Variants in SEC23A observed in about 807,000 individuals in gnomAD.
SEC23A encodes the protein SEC23 homolog A, COPII component.
Under a neutral mutation model 103.7 loss-of-function variants are expected in SEC23A, and 56 were observed. The ratio of observed to expected loss-of-function variants is 0.54; its 90% CI spans 0.44 to 0.67. The LOEUF (loss-of-function observed/expected upper bound fraction) is 0.67. SEC23A is among the 30% of genes least tolerant of loss of function. The pLI, the probability that SEC23A is intolerant of heterozygous loss-of-function variation, is 0.00. For synonymous variants in SEC23A, 281 were observed against 293.0 expected (o/e 0.96, Z 0.42); for missense variants, 784 against 936.4 (o/e 0.84, Z 2.12).
At chr14:39,038,936 T>C (rs1885543507) in intron 19 of SEC23A, 95 bp downstream of exon 19, 4 of 1,075,018 alleles carry the variant, frequency 3.7e-6, no homozygotes, top group Non-Finnish European at 5.7e-6. Flanking sequence ...CAGAAACCAT[T>C]ACTAAATACA....
chr14:39,102,715 G>A (rs1888154592), intron 1 of SEC23A, among the ~76,000 whole-genome samples: 1 of 152,154 alleles, frequency 6.6e-6, no homozygotes, highest in Admixed American at 6.5e-5. Context: ...AGGGCCCAGA[G>A]GCGATGATGG....
chr14:39,066,478 C>CTT (rs56126062), intron 10 of SEC23A, among the ~76,000 whole-genome samples: 8 of 144,092 alleles, frequency 5.6e-5, no homozygotes, highest in Non-Finnish European at 9.0e-5. Flanking sequence ...ACAGTTTCCT[C>CTT]TTTTTTTTTT....
At chr14:39,056,049 T>TA (rs1355114046) in intron 13 of SEC23A, among the ~76,000 whole-genome samples, 5 of 152,366 alleles carry the variant, frequency 3.3e-5, no homozygotes, top group African/African-American at 1.2e-4. Flanking sequence ...GAGTCACACA[T>TA]AAGCCTGAGT....
intron 16 of SEC23A, among the ~76,000 whole-genome samples, chr14:39,043,854 T>A (rs1885736634): frequency 6.6e-6 from 1 of 152,202 alleles, no homozygotes; most frequent in South Asian, 2.1e-4. Flanking sequence ...GTGGTCTTTA[T>A]AAGAGCCATT....
intron 14 of SEC23A, among the ~76,000 whole-genome samples, chr14:39,049,003 T>C (rs1417056599): frequency 6.6e-6 from 1 of 151,856 alleles, no homozygotes; most frequent in African/African-American, 2.4e-5. Flanking sequence ...TCACAACAAA[T>C]AAAGAGCTCT....
At chr14:39,054,255 A>G (rs1886166858) in intron 14 of SEC23A, among the ~76,000 whole-genome samples, 1 of 151,884 alleles carries the variant, frequency 6.6e-6, no homozygotes, top group Admixed American at 6.6e-5. Flanking sequence ...AGCCTGGGTG[A>G]CAGAGTGAGA....
At chr14:39,082,485 T>G (rs1887262022) in intron 7 of SEC23A, among the ~76,000 whole-genome samples, 1 of 152,124 alleles carries the variant, frequency 6.6e-6, no homozygotes, top group African/African-American at 2.4e-5. Context: ...CCTAATAAGA[T>G]ATTTATAATT....
rs5808022 is a variant in SEC23A, at chr14:39,093,251, T to TA, written c.222-8dup. 0.014 allele frequency: 21,538 copies of TA among 1,590,912 alleles called. 1,864 individuals carry two copies. In the African/African-American group the frequency reaches 0.23, roughly 17 times the overall value. Reference sequence around the variant, plus strand: ...TGCTCGATAATCCACTTGACTGTTTTAAAAAAAAAGAAAAGACATATCAGT... The same window carrying TA: ...TGCTCGATAATCCACTTGACTGTTTTAAAAAAAAAAGAAAAGACATATCAGT... On this transcript the variant is annotated splice_polypyrimidine_tract_variant and splice_region_variant and intron_variant, in intron 2 of 19. Coordinates refer to ENST00000307712, the MANE Select transcript of SEC23A (RefSeq NM_006364.4).
At chr14:39,073,603 C>CTTTTTTTTT (rs905464578) in intron 9 of SEC23A, among the ~76,000 whole-genome samples, 1 of 83,894 alleles carries the variant, frequency 1.2e-5, no homozygotes, top group Non-Finnish European at 2.3e-5. Flanking sequence ...TCTGATTCCT[C>CTTTTTTTTT]TTTTTTTTTT....
chr14:39,064,717 G>A (rs944951837), intron 11 of SEC23A, 196 bp downstream of exon 11: 10 of 589,766 alleles, frequency 1.7e-5, no homozygotes, highest in African/African-American at 1.3e-4. Flanking sequence ...GTGCTGTCCT[G>A]TGCGTTCGCT....
chr14:39,097,352 A>G (rs1308913822), intron 1 of SEC23A, among the ~76,000 whole-genome samples: 1 of 152,222 alleles, frequency 6.6e-6, no homozygotes, highest in African/African-American at 2.4e-5. Context: ...AGTGTTATGC[A>G]GCAGACAGGA....
At chr14:39,086,456 T>C (rs1887448499) in intron 6 of SEC23A, among the ~76,000 whole-genome samples, 1 of 151,998 alleles carries the variant, frequency 6.6e-6, no homozygotes, top group Non-Finnish European at 1.5e-5. Flanking sequence ...ACCCCGTCTC[T>C]ACAAAAAATA....
intron 1 of SEC23A, among the ~76,000 whole-genome samples, chr14:39,100,871 T>G (rs1215907916): frequency 6.6e-6 from 1 of 151,552 alleles, no homozygotes; most frequent in Non-Finnish European, 1.5e-5. Context: ...TGAGATGGAG[T>G]CTCACTCTAT....
chr14:39,083,299 T>C lies in SEC23A; in HGVS notation c.828+2463A>G, dbSNP rs187574695. On this transcript the variant is annotated intron_variant, in intron 7 of 19. Coordinates refer to ENST00000307712, the MANE Select transcript of SEC23A (RefSeq NM_006364.4). Reference sequence around the variant, plus strand: ...GATAAACGCATATCTGATTGCTCCTTCGGAAAGGCTAATCAGAAACTCAAA... The same window carrying C: ...GATAAACGCATATCTGATTGCTCCTCCGGAAAGGCTAATCAGAAACTCAAA... Among the ~76,000 whole-genome samples the C allele has an allele frequency of 1.2e-4, 18 of 152,238 alleles. No individual in the cohort carries two copies. The East Asian group carries it at 3.3e-3, about 28-fold the overall frequency.
At chr14:39,073,603 CTTTTTTTTTTTT>C (rs905464578) in intron 9 of SEC23A, among the ~76,000 whole-genome samples, 9 of 83,912 alleles carry the variant, frequency 1.1e-4, no homozygotes, top group South Asian at 9.2e-4. Flanking sequence ...TCTGATTCCT[CTTTTTTTTTTTT>C]TTTTTTTTTT....
chr14:39,063,326 G>T lies in SEC23A; in HGVS notation c.1396C>A (p.Gln466Lys). 6.3e-7 allele frequency: 1 copy of T among 1,589,712 alleles called. No homozygotes were observed. The highest frequency in any genetic ancestry group is 2.2e-5 in the East Asian group (1 of 44,710). ...TLAIYFEVVNQHNAPIPQGGR... is the reference protein window; with the variant it reads ...TLAIYFEVVNKHNAPIPQGGR... ...TATTCAGATGTAGAAAGTCATACCT[G>T]ATTGACAACCTCAAAATATATGGCT... The change falls in exon 12 of 20, where the codon CAG becomes AAG. Residue 466 changes from glutamine to lysine, a missense_variant and splice_region_variant. Physicochemically the swap from Gln to Lys is moderately conservative, Grantham distance 53. Coordinates refer to ENST00000307712, the MANE Select transcript of SEC23A (RefSeq NM_006364.4).
At chr14:39,035,865 T>G (rs1015306989) in intron 19 of SEC23A, among the ~76,000 whole-genome samples, 8 of 152,174 alleles carry the variant, frequency 5.3e-5, no homozygotes, top group Non-Finnish European at 1.2e-4. Context: ...GACAGGGATA[T>G]TACACAAATT....
intron 7 of SEC23A, among the ~76,000 whole-genome samples, chr14:39,079,788 C>T (rs1887159094): frequency 6.6e-6 from 1 of 151,954 alleles, no homozygotes. Flanking sequence ...CACCACTGCA[C>T]TCCAGCCTGG....
chr14:39,059,976 T>G (rs1383020433), intron 13 of SEC23A, among the ~76,000 whole-genome samples: 1 of 152,224 alleles, frequency 6.6e-6, no homozygotes, highest in East Asian at 1.9e-4. Context: ...AGACTTTCTT[T>G]GTCTTCCAAG....
Sources: allele counts gnomAD v4.1 joint callset (sites outside exome capture counted in the v4.1 genomes callset), GRCh38; gene constraint gnomAD v4.1.1; transcripts MANE v1.5; gene names NCBI Gene and HGNC (gene_info 2026-07-23, HGNC 2026-07-21).